DNM3: variants seen among roughly 807,000 people sequenced by gnomAD.
DNM3 encodes the protein dynamin-3.
In DNM3, 47 loss-of-function variants were observed where a neutral mutation model predicts 101.6. The observed-to-expected ratio is 0.46, with a 90% CI of 0.37 to 0.59. The LOEUF (loss-of-function observed/expected upper bound fraction) is 0.59, where lower values mean the gene tolerates loss of function less well. Among genes scored for constraint, DNM3 ranks in the 20% least tolerant of loss-of-function variants. DNM3 has a pLI of 0.00. For synonymous variants in DNM3, 385 were observed against 387.9 expected (o/e 0.99, Z 0.09); for missense variants, 849 against 1,085.7 (o/e 0.78, Z 3.06).
intron 17 of DNM3, among the ~76,000 whole-genome samples, chr1:172,370,647 T>C (rs1467978935): frequency 6.6e-6 from 1 of 151,998 alleles, no homozygotes; most frequent in East Asian, 1.9e-4. Flanking sequence ...CAACAACCCT[T>C]TGAAGATTTT....
At chr1:172,237,093 G>A (rs1341327706) in intron 14 of DNM3, among the ~76,000 whole-genome samples, 1 of 152,082 alleles carries the variant, frequency 6.6e-6, no homozygotes, top group African/African-American at 2.4e-5. Flanking sequence ...ATAATTTGCA[G>A]CGAAATTAAA....
At chr1:172,000,343 A>G (rs2046285112) in intron 4 of DNM3, among the ~76,000 whole-genome samples, 1 of 152,090 alleles carries the variant, frequency 6.6e-6, no homozygotes, top group Non-Finnish European at 1.5e-5. Flanking sequence ...CCTACTGCTT[A>G]GGAATGTGAG....
At chr1:172,281,493 A>G (rs1033280826) in intron 15 of DNM3, among the ~76,000 whole-genome samples, 1 of 152,162 alleles carries the variant, frequency 6.6e-6, no homozygotes, top group African/African-American at 2.4e-5. Context: ...AGCCATATGG[A>G]GCTCTAATAG....
intron 4 of DNM3, among the ~76,000 whole-genome samples, chr1:172,006,727 A>G (rs2046718736): frequency 6.6e-6 from 1 of 152,032 alleles, no homozygotes; most frequent in South Asian, 2.1e-4. Context: ...AAGTTTGATG[A>G]GCTTTGACAA....
At chr1:172,123,157 G>A (rs1406365407) in intron 13 of DNM3, among the ~76,000 whole-genome samples, 2 of 152,106 alleles carry the variant, frequency 1.3e-5, no homozygotes, top group Non-Finnish European at 2.9e-5. Context: ...CAATTCATTC[G>A]TATTAGTAAC....
intron 2 of DNM3, among the ~76,000 whole-genome samples, chr1:171,938,626 A>C (rs999562197): frequency 3.9e-5 from 6 of 152,224 alleles, no homozygotes; most frequent in Non-Finnish European, 7.3e-5. Flanking sequence ...TTTTTCCTTG[A>C]ATATTGGACA....
At chr1:172,050,732 A>G (rs1454517068) in intron 10 of DNM3, among the ~76,000 whole-genome samples, 1 of 152,212 alleles carries the variant, frequency 6.6e-6, no homozygotes, top group Admixed American at 6.5e-5. Context: ...TCATAGATGA[A>G]GGATGTGGTT....
chr1:172,113,075 G>T (rs753672903), intron 13 of DNM3, among the ~76,000 whole-genome samples: 9 of 152,108 alleles, frequency 5.9e-5, no homozygotes, highest in Non-Finnish European at 1.0e-4. Flanking sequence ...TGAATGTGGG[G>T]TATTTACTGA....
Position 172,289,770 on chromosome 1 carries a change from G to A in DNM3, c.1770-18958G>A, listed in dbSNP as rs1206017168. The A allele has an allele frequency of 5.1e-6, 5 of 984,982 alleles. No individual in the cohort carries two copies. In the African/African-American group the frequency reaches 7.0e-5, roughly 14 times the overall value. 61.0% of individuals were successfully genotyped at this position (984,982 alleles called of 1,614,324 possible). ...TGTGTAAGGTTGTTTAGTAAACAGT[G>A]TGTAATTATACTTTTGAGTTACTAT... is the stretch of plus-strand genomic sequence containing the variant. On this transcript the variant is annotated intron_variant, in intron 15 of 20. Transcript: ENST00000627582.
intron 14 of DNM3, chr1:172,144,382 G>T (rs755292182): frequency 9.5e-6 from 2 of 209,548 alleles, no homozygotes; most frequent in Admixed American, 5.7e-5. Context: ...TCTTCCCTTC[G>T]GCAGTCTTTT....
rs1194575818 is a variant in DNM3 at position 172,408,716 on chromosome 1, C to T, written c.*875C>T. ...TGGCATAGCTAACTACACTTTGATA[C>T]TAACTCCAGTTTTACTATTATTATT... On this transcript the variant is annotated 3_prime_UTR_variant, in exon 21 of 21. Transcript: ENST00000627582. The T allele has an allele frequency of 1.0e-6, 1 of 984,394 alleles. No homozygotes were observed. The highest frequency in any genetic ancestry group is 1.2e-6 in the Non-Finnish European group (1 of 829,142). The allele number at this position is 984,394 out of a possible 1,614,324, so 61.0% of individuals were successfully genotyped here. A position where few individuals can be genotyped will look rare whatever the true frequency, so the allele number is the denominator to read the frequency against.
At chr1:171,994,307 A>G (rs1486949711) in intron 4 of DNM3, among the ~76,000 whole-genome samples, 1 of 152,148 alleles carries the variant, frequency 6.6e-6, no homozygotes, top group Non-Finnish European at 1.5e-5. Context: ...AATTTTCATG[A>G]ACCAATTCTG....
intron 6 of DNM3, among the ~76,000 whole-genome samples, chr1:172,035,875 A>C (rs2048919272): frequency 6.6e-6 from 1 of 152,174 alleles, no homozygotes; most frequent in South Asian, 2.1e-4. Flanking sequence ...TAAACTATTG[A>C]CAAATAACTC....
chr1:171,910,195 C>T (rs866375069), intron 1 of DNM3, among the ~76,000 whole-genome samples: 1 of 152,184 alleles, frequency 6.6e-6, no homozygotes, highest in Non-Finnish European at 1.5e-5. Flanking sequence ...TTTCATAACA[C>T]CCTAAAATCT....
intron 14 of DNM3, among the ~76,000 whole-genome samples, chr1:172,157,769 T>A (rs567163178): frequency 6.6e-6 from 1 of 152,060 alleles, no homozygotes; most frequent in South Asian, 2.1e-4. Context: ...TACAGGAGGA[T>A]GTACATAGGT....
chr1:172,288,088 C>T (rs992504905), intron 15 of DNM3, among the ~76,000 whole-genome samples: 3 of 152,170 alleles, frequency 2.0e-5, no homozygotes, highest in Admixed American at 6.5e-5. Context: ...CAAACACCAG[C>T]GCTGTGCTTA....
intron 2 of DNM3, among the ~76,000 whole-genome samples, chr1:171,963,076 C>A (rs755537852): frequency 1.3e-5 from 2 of 152,120 alleles, no homozygotes; most frequent in Non-Finnish European, 2.9e-5. Flanking sequence ...CCTACAGAAA[C>A]TGGCACATAA....
At chr1:171,843,247 A>AG (rs2031549252) in intron 1 of DNM3, among the ~76,000 whole-genome samples, 1 of 152,338 alleles carries the variant, frequency 6.6e-6, no homozygotes, top group East Asian at 1.9e-4. Context: ...TGTATCCTTG[A>AG]GTAATTCACT....
chr1:172,192,422 T>C (rs993132352), intron 14 of DNM3, among the ~76,000 whole-genome samples: 1 of 151,044 alleles, frequency 6.6e-6, no homozygotes, highest in Non-Finnish European at 1.5e-5. Flanking sequence ...CATGTGCACA[T>C]TGTGCAGGTT....
Sources: gnomAD v4.1 joint callset for allele counts (sites outside exome capture counted in the v4.1 genomes callset) on GRCh38, gnomAD v4.1.1 for gene constraint, MANE v1.5 for transcripts, NCBI Gene and HGNC (gene_info 2026-07-23, HGNC 2026-07-21) for gene names.